Variants in GULP1 observed in about 807,000 individuals in gnomAD.
GULP1 encodes GULP PTB domain containing engulfment adaptor 1.
GULP1 carries 19 observed loss-of-function variants against 40.9 expected under a neutral mutation model. That is an observed-to-expected ratio of 0.46 (90% CI 0.32 to 0.68). The LOEUF is 0.68. GULP1 is among the 30% of genes least tolerant of loss of function. The pLI is 0.03. For missense variants in GULP1, 312 were observed against 362.2 expected (o/e 0.86, Z 1.12); for synonymous variants, 119 against 117.6 (o/e 1.01, Z -0.08).
chr2:188,541,465 A>G (rs779422343), intron 7 of GULP1, 147 bp downstream of exon 7: 2 of 746,240 alleles, frequency 2.7e-6, no homozygotes, highest in Admixed American at 3.9e-5. Context: ...CTGTACTAAT[A>G]GATTTATTTT....
intron 1 of GULP1, among the ~76,000 whole-genome samples, chr2:188,381,286 A>T (rs549406845): frequency 6.8e-4 from 103 of 152,206 alleles, no homozygotes; most frequent in Non-Finnish European, 1.4e-3. Flanking sequence ...TGATATGTGT[A>T]TTTTTGTGCT....
At chr2:188,511,662 G>GGAA (rs1559327321) in intron 4 of GULP1, among the ~76,000 whole-genome samples, 2 of 152,046 alleles carry the variant, frequency 1.3e-5, no homozygotes, top group Non-Finnish European at 2.9e-5. Flanking sequence ...AAGTAGACTT[G>GGAA]TTTGGACTTA....
intron 1 of GULP1, among the ~76,000 whole-genome samples, chr2:188,302,546 A>G (rs4667215): frequency 0.48 from 73,099 of 151,908 alleles, 18,232 homozygotes; most frequent in East Asian, 0.72. Context: ...AAGCTGATAA[A>G]AGTAAAATTT....
intron 2 of GULP1, among the ~76,000 whole-genome samples, chr2:188,435,144 C>G (rs1469864928): frequency 6.6e-6 from 1 of 152,014 alleles, no homozygotes; most frequent in East Asian, 1.9e-4. Flanking sequence ...TTTAATCACT[C>G]TTATTCCAGT....
At chr2:188,508,380 G>A (rs2064145150) in intron 4 of GULP1, among the ~76,000 whole-genome samples, 3 of 152,112 alleles carry the variant, frequency 2.0e-5, no homozygotes, top group Admixed American at 2.0e-4. Context: ...TGTAACAAAA[G>A]CATGATTTGC....
At chr2:188,444,824 G>A (rs540740899) in intron 2 of GULP1, among the ~76,000 whole-genome samples, 8 of 152,280 alleles carry the variant, frequency 5.3e-5, no homozygotes, top group African/African-American at 1.4e-4. Context: ...GCTTTAGACA[G>A]AGTTTACTAA....
chr2:188,479,989 A>T (rs569091858), intron 3 of GULP1, among the ~76,000 whole-genome samples: 1 of 152,244 alleles, frequency 6.6e-6, no homozygotes, highest in South Asian at 2.1e-4. Context: ...GTATCATGAA[A>T]TTATTCACTA....
At chr2:188,303,999 C>T (rs1362884071) in intron 1 of GULP1, among the ~76,000 whole-genome samples, 1 of 152,150 alleles carries the variant, frequency 6.6e-6, no homozygotes, top group Non-Finnish European at 1.5e-5. Flanking sequence ...TAGGAGTACC[C>T]TCTGGCGACC....
At chr2:188,427,963 A>T (rs2056419662) in intron 2 of GULP1, among the ~76,000 whole-genome samples, 1 of 152,222 alleles carries the variant, frequency 6.6e-6, no homozygotes, top group African/African-American at 2.4e-5. Flanking sequence ...ATGGGGGCTG[A>T]GCCCTGCAAA....
chr2:188,516,779 A>G (rs1268952507), intron 4 of GULP1, among the ~76,000 whole-genome samples: 2 of 152,162 alleles, frequency 1.3e-5, no homozygotes, highest in African/African-American at 4.8e-5. Flanking sequence ...AAATTTCGAA[A>G]AACACTATTC....
At chr2:188,570,558 G>T (rs1000274001) in intron 9 of GULP1, among the ~76,000 whole-genome samples, 2 of 152,118 alleles carry the variant, frequency 1.3e-5, no homozygotes, top group African/African-American at 4.8e-5. Flanking sequence ...AAGGGTTCCC[G>T]CTGGGAGTGA....
At chr2:188,487,755 AG>A (rs1193182361) in intron 4 of GULP1, among the ~76,000 whole-genome samples, 1 of 152,032 alleles carries the variant, frequency 6.6e-6, no homozygotes, top group Non-Finnish European at 1.5e-5. Context: ...TTACAAAGAA[AG>A]ATTACCTTAC....
At chr2:188,577,135 T>C (rs1030809406) in intron 9 of GULP1, among the ~76,000 whole-genome samples, 5 of 152,070 alleles carry the variant, frequency 3.3e-5, no homozygotes, top group African/African-American at 2.4e-5. Flanking sequence ...GTGAGTAAAA[T>C]TGTAGTCCTA....
chr2:188,334,433 C>G (rs1295672943), intron 1 of GULP1, among the ~76,000 whole-genome samples: 1 of 152,122 alleles, frequency 6.6e-6, no homozygotes, highest in Non-Finnish European at 1.5e-5. Flanking sequence ...ACCTGAAAAG[C>G]TTTTTTAAAA....
intron 2 of GULP1, among the ~76,000 whole-genome samples, chr2:188,409,010 T>G (rs2053515106): frequency 6.6e-6 from 1 of 152,044 alleles, no homozygotes; most frequent in African/African-American, 2.4e-5. Context: ...GAAGAAAGTT[T>G]AGGGCAGTAA....
At chr2:188,457,184 G>C (rs985784398) in intron 2 of GULP1, among the ~76,000 whole-genome samples, 17 of 152,172 alleles carry the variant, frequency 1.1e-4, no homozygotes, top group African/African-American at 3.9e-4. Context: ...AATTAGTTAA[G>C]ACTTTGAGGG....
At chr2:188,586,968 A>C (rs1702518545) in intron 10 of GULP1, among the ~76,000 whole-genome samples, 1 of 151,996 alleles carries the variant, frequency 6.6e-6, no homozygotes, top group African/African-American at 2.4e-5. Flanking sequence ...CTTACATAGA[A>C]TTGAATTTAG....
chr2:188,338,741 TA>T (rs2042600300), intron 1 of GULP1, among the ~76,000 whole-genome samples: 1 of 152,124 alleles, frequency 6.6e-6, no homozygotes, highest in South Asian at 2.1e-4. Context: ...TGTACAAGAG[TA>T]AGGTGAAAAT....
chr2:188,457,365 T>C (rs1445617010), intron 2 of GULP1, among the ~76,000 whole-genome samples: 1 of 152,090 alleles, frequency 6.6e-6, no homozygotes, highest in African/African-American at 2.4e-5. Context: ...GATTGAATTA[T>C]GGGGGTGGCT....
Sources: gnomAD v4.1 joint callset for allele counts (sites outside exome capture counted in the v4.1 genomes callset) on GRCh38, gnomAD v4.1.1 for gene constraint, MANE v1.5 for transcripts, NCBI Gene and HGNC (gene_info 2026-07-23, HGNC 2026-07-21) for gene names.